RBBP5: variants seen among roughly 807,000 people sequenced by gnomAD.
RBBP5 encodes the protein RB binding protein 5, histone lysine methyltransferase complex subunit, also known as retinoblastoma-binding protein 5.
Under a neutral mutation model 72.2 loss-of-function variants are expected in RBBP5, and 5 were observed. The ratio of observed to expected loss-of-function variants is 0.07; its 90% CI spans 0.04 to 0.15. RBBP5 has a LOEUF of 0.15. Among genes scored for constraint, RBBP5 ranks in the 10% least tolerant of loss-of-function variants. The pLI, the probability that RBBP5 is intolerant of heterozygous loss-of-function variation, is 1.00. For missense variants in RBBP5, 322 were observed against 652.2 expected, an observed-to-expected ratio of 0.49 and a Z score of 5.51; for synonymous variants, 209 against 237.2, an observed-to-expected ratio of 0.88 and a Z score of 1.09.
intron 13 of RBBP5, chr1:205,091,350 TGATA>T (rs1655342221): frequency 6.6e-6 from 1 of 152,240 alleles, no homozygotes; most frequent in South Asian, 2.1e-4. Flanking sequence ...AAGAAGCATT[TGATA>T]GATAGCGCAG....
At chr1:205,121,757 C>A (rs61822619) in intron 1 of RBBP5, 98 bp downstream of exon 1, 6 of 1,567,218 alleles carry the variant, frequency 3.8e-6, no homozygotes, top group Non-Finnish European at 5.2e-6. Flanking sequence ...CATAGCCGAA[C>A]AGTGTCCCTA....
chr1:205,091,964 G>A (rs1459761887), intron 13 of RBBP5: 1 of 152,178 alleles, frequency 6.6e-6, no homozygotes, highest in Non-Finnish European at 1.5e-5. Flanking sequence ...GGAAGAATAT[G>A]AGATCCAAAT....
At chr1:205,109,989 T>C (rs927103338) in intron 3 of RBBP5, among the ~76,000 whole-genome samples, 1 of 151,932 alleles carries the variant, frequency 6.6e-6, no homozygotes, top group Non-Finnish European at 1.5e-5. Context: ...TAACTTTGTT[T>C]CCCTATAGCT....
intron 13 of RBBP5, among the ~76,000 whole-genome samples, chr1:205,092,686 T>C (rs1676363085): frequency 6.6e-6 from 1 of 152,160 alleles, no homozygotes; most frequent in Admixed American, 6.6e-5. Context: ...TGTCTTGGCC[T>C]CTCAAAGTGC....
chr1:205,101,737 G>GT, intron 5 of RBBP5, 28 bp from the exon 6 acceptor site: 1 of 1,496,436 alleles, frequency 6.7e-7, no homozygotes, highest in South Asian at 1.1e-5. Context: ...GGGGAAAAAA[G>GT]TAAGTGTTCC....
chr1:205,097,032 G>A (rs1206468172), intron 11 of RBBP5, 121 bp from the exon 12 acceptor site: 1 of 856,166 alleles, frequency 1.2e-6, no homozygotes, highest in Non-Finnish European at 1.8e-6. Flanking sequence ...AGAACTTTAA[G>A]AAAGCCAAGA....
chr1:205,116,231 T>G, intron 1 of RBBP5: 1 of 396,336 alleles, frequency 2.5e-6, no homozygotes, highest in Non-Finnish European at 4.8e-6. Flanking sequence ...CTAAATACTT[T>G]GTTTTTGAAA....
intron 1 of RBBP5, among the ~76,000 whole-genome samples, chr1:205,117,082 C>T (rs993017605): frequency 6.6e-6 from 1 of 151,838 alleles, no homozygotes; most frequent in Non-Finnish European, 1.5e-5. Flanking sequence ...GACGGAGTCT[C>T]GGTCTGTCTC....
intron 3 of RBBP5, among the ~76,000 whole-genome samples, chr1:205,110,373 C>T (rs1297565805): frequency 1.3e-5 from 2 of 152,098 alleles, no homozygotes; most frequent in Admixed American, 6.6e-5. Flanking sequence ...CTCTTTCATA[C>T]ATCAACTTTA....
At position 205,093,480 on chromosome 1, in the gene RBBP5, ATATATATATATATATATATATATATAT is replaced by A. The variant is rs534535867; in HGVS notation, c.1588+1366_1588+1392del. Reference sequence around the variant, plus strand: ...TTTCAAAAAAAAAAAAAAAAAAAAAATATATATATATATATATATATATATATATATATATATATATATATATATATA... The same window carrying A: ...TTTCAAAAAAAAAAAAAAAAAAAAAAATATATATATATATATATATATATA... On this transcript the variant is annotated intron_variant, in intron 13 of 13. Coordinates refer to ENST00000264515, the MANE Select transcript of RBBP5 (RefSeq NM_005057.4). Among the ~76,000 whole-genome samples the A allele has an allele frequency of 2.8e-3, 22 of 7,772 alleles. 5 individuals carry two copies. The highest frequency in any genetic ancestry group is 0.018 in the Admixed American group (7 of 394). The allele number at this position is 7,772 out of a possible 152,430, so 5.1% of individuals were successfully genotyped here. A position where few individuals can be genotyped will look rare whatever the true frequency, so the allele number is the denominator to read the frequency against.
At chr1:205,105,580 C>T (rs542847405) in intron 3 of RBBP5, among the ~76,000 whole-genome samples, 2 of 152,260 alleles carry the variant, frequency 1.3e-5, no homozygotes, top group South Asian at 2.1e-4. Context: ...TTTAAAAGAA[C>T]TGAGAAAGAA....
chr1:205,107,046 GTGTATA>G (rs1656093169), intron 3 of RBBP5, among the ~76,000 whole-genome samples: 1 of 131,444 alleles, frequency 7.6e-6, no homozygotes, highest in Non-Finnish European at 1.8e-5. Context: ...GTATATATGT[GTGTATA>G]TGTATGTGTG....
chr1:205,097,457 C>A, intron 10 of RBBP5, 62 bp from the exon 11 acceptor site: 1 of 1,457,886 alleles, frequency 6.9e-7, no homozygotes, highest in Non-Finnish European at 9.4e-7. Flanking sequence ...TTATTTGCAG[C>A]TTCAAGGTTT....
At chr1:205,090,446 A>C (rs781168163) in intron 13 of RBBP5, among the ~76,000 whole-genome samples, 1 of 152,212 alleles carries the variant, frequency 6.6e-6, no homozygotes, top group Non-Finnish European at 1.5e-5. Flanking sequence ...GTTTTTCTGA[A>C]TAGACAAAAT....
chr1:205,118,594 C>T (rs990460244), intron 1 of RBBP5, among the ~76,000 whole-genome samples: 1 of 152,020 alleles, frequency 6.6e-6, no homozygotes, highest in Non-Finnish European at 1.5e-5. Flanking sequence ...TGCACTCCAG[C>T]CTGGGCGACA....
At chr1:205,114,402 T>C (rs1288627570) in intron 3 of RBBP5, among the ~76,000 whole-genome samples, 2 of 152,252 alleles carry the variant, frequency 1.3e-5, no homozygotes. Flanking sequence ...GGAATAGTCA[T>C]ACTTGTGACC....
At chr1:205,107,058 G>A (rs1351470955) in intron 3 of RBBP5, among the ~76,000 whole-genome samples, 2 of 136,730 alleles carry the variant, frequency 1.5e-5, no homozygotes, top group Admixed American at 7.4e-5. Context: ...GTATATGTAT[G>A]TGTGTGTGTG....
chr1:205,098,636 G>C (rs1655704768), intron 10 of RBBP5, among the ~76,000 whole-genome samples: 1 of 152,098 alleles, frequency 6.6e-6, no homozygotes, highest in Non-Finnish European at 1.5e-5. Context: ...CTGAGGTCAG[G>C]AGTTCCAGAC....
At chr1:205,113,558 T>C (rs945107785) in intron 3 of RBBP5, among the ~76,000 whole-genome samples, 9 of 151,150 alleles carry the variant, frequency 6.0e-5, no homozygotes, top group African/African-American at 2.2e-4. Flanking sequence ...AGCCAACGCA[T>C]CTCGCCAGGA....
Sources: allele counts gnomAD v4.1 joint callset (sites outside exome capture counted in the v4.1 genomes callset), GRCh38; gene constraint gnomAD v4.1.1; transcripts MANE v1.5; gene names NCBI Gene and HGNC (gene_info 2026-07-23, HGNC 2026-07-21).